The following QTMAN variants were observed in gnomAD, a reference collection of about 807,000 sequenced individuals.
QTMAN encodes the protein tRNA-queuosine alpha-mannosyltransferase.
chr2:144,056,492 G>T, the QTMAN span, among the ~76,000 whole-genome samples: 1 of 152,188 alleles, frequency 6.6e-6, no homozygotes, highest in Non-Finnish European at 1.5e-5. Context: ...CACTGTACTT[G>T]TTTGTCATCT....
the QTMAN span, among the ~76,000 whole-genome samples, chr2:143,949,153 C>A: frequency 6.6e-6 from 1 of 151,620 alleles, no homozygotes; most frequent in Non-Finnish European, 1.5e-5. Context: ...AGAGACTGAG[C>A]GAGTACACAC....
At chr2:143,946,165 T>C in the QTMAN span, 1 of 152,208 alleles carries the variant, frequency 6.6e-6, no homozygotes, top group Non-Finnish European at 1.5e-5. Flanking sequence ...GCAAGTATAT[T>C]GGAGAAATAT....
the QTMAN span, among the ~76,000 whole-genome samples, chr2:144,316,248 A>C: frequency 1.3e-5 from 2 of 151,884 alleles, no homozygotes; most frequent in African/African-American, 4.8e-5. Context: ...AAAAAAAAAA[A>C]CGCTGCTGCT....
chr2:144,106,142 T>A, the QTMAN span, among the ~76,000 whole-genome samples: 1 of 152,310 alleles, frequency 6.6e-6, no homozygotes. Context: ...TATCAGCCAC[T>A]GCAAAAACAT....
the QTMAN span, among the ~76,000 whole-genome samples, chr2:144,150,657 T>G: frequency 6.6e-6 from 1 of 152,074 alleles, no homozygotes; most frequent in Admixed American, 6.6e-5. Flanking sequence ...CTTGACCCGC[T>G]TGTGATAACC....
chr2:144,134,595 C>T, the QTMAN span, among the ~76,000 whole-genome samples: 2 of 152,000 alleles, frequency 1.3e-5, no homozygotes, highest in African/African-American at 4.8e-5. Flanking sequence ...CTCTGACAAT[C>T]CAATGTGGTG....
At chr2:144,133,116 AATAT>A in the QTMAN span, among the ~76,000 whole-genome samples, 5,899 of 40,830 alleles carry the variant, frequency 0.14, 451 homozygotes, top group East Asian at 0.25. Flanking sequence ...AATGACTGGT[AATAT>A]ATATATATAT....
chr2:144,300,309 C>G, the QTMAN span, among the ~76,000 whole-genome samples: 1 of 151,576 alleles, frequency 6.6e-6, no homozygotes, highest in Non-Finnish European at 1.5e-5. Context: ...TTTTAATTAT[C>G]TATAATTAAA....
At chr2:144,061,166 A>C in the QTMAN span, among the ~76,000 whole-genome samples, 1 of 152,206 alleles carries the variant, frequency 6.6e-6, no homozygotes, top group Non-Finnish European at 1.5e-5. Context: ...CAGGACCAAA[A>C]TATCTTCTGA....
At chr2:144,006,657 A>G in the QTMAN span, 1 of 152,144 alleles carries the variant, frequency 6.6e-6, no homozygotes, top group Non-Finnish European at 1.5e-5. Flanking sequence ...ACTTGGCTAG[A>G]AAGTATTTTG....
the QTMAN span, among the ~76,000 whole-genome samples, chr2:144,041,380 G>C: frequency 6.6e-6 from 1 of 152,122 alleles, no homozygotes; most frequent in Admixed American, 6.6e-5. Flanking sequence ...CTGTTTAAAG[G>C]CCAATCCTCT....
the QTMAN span, among the ~76,000 whole-genome samples, chr2:144,171,453 A>C: frequency 6.6e-6 from 1 of 152,198 alleles, no homozygotes; most frequent in Non-Finnish European, 1.5e-5. Flanking sequence ...CATCTACAAA[A>C]ATTTTTTAAC....
chr2:144,135,167 T>C, the QTMAN span, among the ~76,000 whole-genome samples: 15 of 152,318 alleles, frequency 9.8e-5, no homozygotes, highest in African/African-American at 3.4e-4. Context: ...CACATTCTTA[T>C]ATGATCCAAT....
At chr2:144,068,721 T>C in the QTMAN span, among the ~76,000 whole-genome samples, 1 of 152,192 alleles carries the variant, frequency 6.6e-6, no homozygotes, top group African/African-American at 2.4e-5. Context: ...ATCAACATTA[T>C]GCCAAAACAA....
chr2:144,144,378 T>TAA, the QTMAN span, among the ~76,000 whole-genome samples: 1 of 151,788 alleles, frequency 6.6e-6, no homozygotes, highest in South Asian at 2.1e-4. Flanking sequence ...AAGGAAAAAA[T>TAA]AGACTTAGTT....
chr2:144,214,165 C>T, the QTMAN span, among the ~76,000 whole-genome samples: 3 of 152,092 alleles, frequency 2.0e-5, no homozygotes, highest in African/African-American at 7.2e-5. Flanking sequence ...AGTAAAAATA[C>T]ATTTTGCTAA....
chr2:144,312,895 C>A, the QTMAN span, among the ~76,000 whole-genome samples: 1 of 152,200 alleles, frequency 6.6e-6, no homozygotes. Context: ...GAGGCCTCCC[C>A]AGCCATGCAG....
At chr2:144,003,829 T>A in the QTMAN span, among the ~76,000 whole-genome samples, 1 of 152,040 alleles carries the variant, frequency 6.6e-6, no homozygotes, top group Non-Finnish European at 1.5e-5. Context: ...ACGAGATATG[T>A]TAGAGGCTGA....
At chr2:144,145,773 A>AAGT in the QTMAN span, 5 of 1,572,994 alleles carry the variant, frequency 3.2e-6, no homozygotes, top group Non-Finnish European at 4.3e-6. Context: ...TTACTGTCCC[A>AAGT]AGTATGTTTG....
Sources: allele counts gnomAD v4.1 joint callset (sites outside exome capture counted in the v4.1 genomes callset), GRCh38; gene constraint gnomAD v4.1.1; transcripts MANE v1.5; gene names NCBI Gene and HGNC (gene_info 2026-07-23, HGNC 2026-07-21).